The following DIMT1 variants were observed in gnomAD, a reference collection of about 807,000 sequenced individuals.
DIMT1 encodes the protein dimethyladenosine transferase.
A neutral mutation model predicts 43.2 loss-of-function variants in DIMT1; 36 were observed. That is an observed-to-expected ratio of 0.83 (90% confidence interval 0.64 to 1.10). The LOEUF is 1.10. DIMT1 is among the 50% of genes least tolerant of loss of function. DIMT1 has a pLI of 0.00. For synonymous variants in DIMT1, 126 were observed against 130.3 expected, an observed-to-expected ratio of 0.97 and a Z score of 0.22; for missense variants, 341 against 385.3, an observed-to-expected ratio of 0.88 and a Z score of 0.96.
Position 62,388,767 on chromosome 5 carries a change from G to A in DIMT1, c.*243C>T, listed in dbSNP as rs534154769. ...TAAGTGTAAAGTTGTGCGTCTCTGC[G>A]GCTCCTGAACTTGAAGATTATTATG... On this transcript the variant is annotated 3_prime_UTR_variant, in exon 12 of 12. Transcript: ENST00000199320. The A allele has an allele frequency of 1.5e-5, 8 of 518,022 alleles. No individual in the cohort carries two copies. The highest frequency in any genetic ancestry group is 3.5e-5 in the Admixed American group (1 of 28,628). The allele number at this position is 518,022 out of a possible 1,614,324, so 32.1% of individuals were successfully genotyped here.
chr5:62,392,992 T>C lies in DIMT1; in HGVS notation c.664-2A>G. ...TATCCTTACTAGACCATCCCATTCC[T>C]GAAATAGAAGATAGACATTTTCTTC... On this transcript the variant is annotated splice_acceptor_variant, in intron 8 of 11. Transcript: ENST00000199320. LOFTEE classifies it high-confidence loss of function. 6.2e-7 allele frequency: 1 copy of C among 1,602,966 alleles called. No homozygotes were observed. Among genetic ancestry groups the C allele is most frequent in the Non-Finnish European group, 8.5e-7 (1 of 1,171,406 alleles).
rs542916678 is a variant in DIMT1, at chr5:62,388,013, T to C, written c.*997A>G. The C allele has an allele frequency of 6.6e-6, 1 of 152,132 alleles. No homozygotes were observed. Among genetic ancestry groups the C allele is most frequent in the South Asian group, 2.1e-4 (1 of 4,832 alleles). 9.4% of individuals were successfully genotyped at this position (152,132 alleles called of 1,614,324 possible). On this transcript the variant is annotated 3_prime_UTR_variant, in exon 12 of 12. Transcript: ENST00000199320. ...CAAAATAGCTACTATAACTCTATTA[T>C]AGTATATTAACAGCACTTAGTATTA...
chr5:62,395,504 G>A (rs539092208), intron 6 of DIMT1, among the ~76,000 whole-genome samples: 17 of 152,136 alleles, frequency 1.1e-4, no homozygotes, highest in African/African-American at 3.1e-4. Context: ...TGTTTATATT[G>A]TATTTCAAAA....
chr5:62,390,639 CA>C (rs1222282475), intron 11 of DIMT1, among the ~76,000 whole-genome samples: 3 of 152,144 alleles, frequency 2.0e-5, no homozygotes. Flanking sequence ...CACATTAACA[CA>C]AAGGCAATCT....
Position 62,403,703 on chromosome 5 carries a change from T to C in DIMT1, c.70A>G (p.Ser24Gly). 1 of 1,609,050 alleles carries C rather than the reference T, an allele frequency of 6.2e-7. No individual in the cohort carries two copies. The highest frequency in any genetic ancestry group is 8.5e-7 in the Non-Finnish European group (1 of 1,178,480). ...GRQEQRRELK[S>G]AGGLMFNTGI... ...TCGCGGGGATCCGCACCTCCAGCGC[T>C]CTTCAGCTCCCGGCGCTGCTCCTGC... The change falls in exon 1 of 12, where the codon AGC (serine) becomes GGC (glycine). Residue 24 changes from serine to glycine, a missense_variant. Coordinates refer to ENST00000199320, the MANE Select transcript of DIMT1 (RefSeq NM_014473.4).
rs1427585380 is a variant in DIMT1 at position 62,390,858 on chromosome 5, A to G, written c.899+18T>C. On this transcript the variant is annotated intron_variant, in intron 11 of 11. Transcript: ENST00000199320. ...AGTAAAGAAATGTAAACACTTAGGA[A>G]AACAAAAATGTAATTACCTGATGAA... 1 of 1,605,138 alleles carries G rather than the reference A, an allele frequency of 6.2e-7. No individual in the cohort carries two copies. The highest frequency in any genetic ancestry group is 8.5e-7 in the Non-Finnish European group (1 of 1,173,784).
chr5:62,399,221 C>A (rs1256693515), intron 3 of DIMT1, among the ~76,000 whole-genome samples: 1 of 152,160 alleles, frequency 6.6e-6, no homozygotes, highest in Non-Finnish European at 1.5e-5. Flanking sequence ...AATCCCAACA[C>A]TTTGGGAGGC....
rs749652057 is a variant in DIMT1, at chr5:62,402,019, T to C, written c.240+17A>G. Reference sequence around the variant, plus strand: ...ACATAGTCATTTGTGATACCAAACATTAAATCCCCTTTCTACCTTTTTTGC... The same window carrying C: ...ACATAGTCATTTGTGATACCAAACACTAAATCCCCTTTCTACCTTTTTTGC... On this transcript the variant is annotated intron_variant, in intron 3 of 11. Transcript: ENST00000199320. 6 of 1,611,012 alleles carry C rather than the reference T, an allele frequency of 3.7e-6. No homozygotes were observed. Among genetic ancestry groups the C allele is most frequent in the Non-Finnish European group, 5.1e-6 (6 of 1,178,304 alleles).
At chr5:62,389,143 G>A in intron 11 of DIMT1, 91 bp from the exon 12 acceptor site, 1 of 1,127,904 alleles carries the variant, frequency 8.9e-7, no homozygotes, top group Non-Finnish European at 1.3e-6. Context: ...ACTAAAACAT[G>A]AATACAGCAT....
intron 6 of DIMT1, 179 bp downstream of exon 6, chr5:62,398,332 G>T: frequency 1.6e-6 from 1 of 619,388 alleles, no homozygotes; most frequent in Non-Finnish European, 2.9e-6. Context: ...AGGACTTCCA[G>T]CACACTACCC....
chr5:62,398,837 G>A lies in DIMT1; in HGVS notation c.285C>T (p.His95=), dbSNP rs753336753. 1 of 1,613,780 alleles carries A rather than the reference G, an allele frequency of 6.2e-7. No homozygotes were observed. The highest frequency in any genetic ancestry group is 1.1e-5 in the South Asian group (1 of 91,010). ...ELDPRLVAEL[H]KRVQGTPVAS... is the part of the protein sequence containing the mutation. ...ATACTCACGTGCCCTGAACTCTTTT[G>A]TGAAGTTCAGCTACTAGCCTTGGGT... The change falls in exon 4 of 12, where the codon CAC becomes CAT. Residue 95 remains histidine, a synonymous_variant. Transcript: ENST00000199320.
At chr5:62,392,723 T>G in intron 9 of DIMT1, 1 of 445,714 alleles carries the variant, frequency 2.2e-6, no homozygotes, top group Non-Finnish European at 3.9e-6. Context: ...CCAAAAAATG[T>G]GATCTGACTC....
chr5:62,394,959 G>A (rs1303909174), intron 6 of DIMT1, among the ~76,000 whole-genome samples: 2 of 152,084 alleles, frequency 1.3e-5, no homozygotes, highest in Non-Finnish European at 2.9e-5. Flanking sequence ...TTAAGGAAGA[G>A]GTGAGACTGA....
chr5:62,389,169 C>A, intron 11 of DIMT1, 117 bp from the exon 12 acceptor site: 1 of 856,146 alleles, frequency 1.2e-6, no homozygotes, highest in Non-Finnish European at 1.8e-6. Context: ...CAGAGCCCAC[C>A]CACTCCTAAT....
intron 10 of DIMT1, 38 bp from the exon 11 acceptor site, chr5:62,391,020 C>T (rs758259989): frequency 6.5e-7 from 1 of 1,549,434 alleles, no homozygotes; most frequent in Non-Finnish European, 8.9e-7. Flanking sequence ...AACGACATAT[C>T]TTTAATGAGG....
chr5:62,403,315 G>C lies in DIMT1; in HGVS notation c.111C>G (p.His37Gln). 1 of 1,613,950 alleles carries C rather than the reference G, an allele frequency of 6.2e-7. No individual in the cohort carries two copies. The highest frequency in any genetic ancestry group is 8.5e-7 in the Non-Finnish European group (1 of 1,179,878). The change falls in exon 2 of 12, where the codon CAC becomes CAG. Residue 37 changes from histidine (H) to glutamine (Q), a missense_variant. Physicochemically the swap from His to Gln is conservative, Grantham distance 24 (BLOSUM62 0). Transcript: ENST00000199320. Reference sequence around the variant, plus strand: ...TAATAATGAGAGGATTTTTCAAAATGTGCTGCCCAATCCCCGTGTTGAACA... The same window carrying C: ...TAATAATGAGAGGATTTTTCAAAATCTGCTGCCCAATCCCCGTGTTGAACA... ...GLMFNTGIGQ[H>Q]ILKNPLIINS...
Position 62,402,075 on chromosome 5 carries a change from A to G in DIMT1, c.201T>C (p.Thr67=). Residue 67 remains threonine, a synonymous_variant, in exon 3 of 12, where the codon ACT becomes ACC. Coordinates refer to ENST00000199320, the MANE Select transcript of DIMT1 (RefSeq NM_014473.4). ...TDVVLEVGPG[T]GNMTVKLLEK... ...CTAACAACTTTACAGTCATGTTGCC[A>G]GTTCCAGGTCCAACTTCCAGCACTA... is the stretch of plus-strand genomic sequence containing the variant. 3 of 1,613,984 alleles carry G rather than the reference A, an allele frequency of 1.9e-6. No homozygotes were observed. The highest frequency in any genetic ancestry group is 2.5e-6 in the Non-Finnish European group (3 of 1,179,976).
Position 62,393,997 on chromosome 5 carries a change from T to C in DIMT1, c.621A>G (p.Val207=), listed in dbSNP as rs779612877. The change falls in exon 8 of 12, where the codon GTA becomes GTG. Residue 207 remains valine, a synonymous_variant. Transcript: ENST00000199320. ...GTGGTGGATTCTTAGGTTCTATCCT[T>C]ACAACACTGGATTCCACCTTGGGCG... is the stretch of plus-strand genomic sequence containing the variant. ...RPPPKVESSV[V]RIEPKNPPPP... is the part of the protein sequence containing the mutation. 21 of 1,612,746 alleles carry C rather than the reference T, an allele frequency of 1.3e-5. No homozygotes were observed. The South Asian group carries it at 1.8e-4, about 14-fold the overall frequency.
chr5:62,392,309 TTAAC>T, intron 9 of DIMT1, 75 bp from the exon 10 acceptor site: 2 of 1,192,210 alleles, frequency 1.7e-6, no homozygotes, highest in East Asian at 2.3e-5. Flanking sequence ...AAACTTTTTT[TTAAC>T]TAATACATAA....
Sources: gnomAD v4.1 joint callset for allele counts (sites outside exome capture counted in the v4.1 genomes callset) on GRCh38, gnomAD v4.1.1 for gene constraint, MANE v1.5 for transcripts, NCBI Gene and HGNC (gene_info 2026-07-23, HGNC 2026-07-21) for gene names.